RIPOR2: variants seen among roughly 807,000 people sequenced by gnomAD.
The protein encoded by RIPOR2 is rho family-interacting cell polarization regulator 2.
In RIPOR2, 39 loss-of-function variants were observed where a neutral mutation model predicts 114.5. The observed-to-expected ratio is 0.34, with a 90% confidence interval of 0.26 to 0.44. The LOEUF is 0.44. RIPOR2 is among the 20% of genes least tolerant of loss of function. RIPOR2 has a pLI of 1.00. For synonymous variants in RIPOR2, 445 were observed against 484.4 expected (o/e 0.92, Z 1.07); for missense variants, 1,007 against 1,255.1 (o/e 0.80, Z 2.99).
intron 1 of RIPOR2, among the ~76,000 whole-genome samples, chr6:24,914,107 G>A (rs982617882): frequency 6.6e-6 from 1 of 152,142 alleles, no homozygotes; most frequent in African/African-American, 2.4e-5. Context: ...GGCCGAGGTG[G>A]GTGGATCACT....
intron 1 of RIPOR2, among the ~76,000 whole-genome samples, chr6:24,891,677 G>GTAT (rs1355706382): frequency 6.6e-6 from 1 of 152,254 alleles, no homozygotes; most frequent in Admixed American, 6.5e-5. Context: ...GTGAAATGCT[G>GTAT]TATTACTTGT....
intron 19 of RIPOR2, among the ~76,000 whole-genome samples, chr6:24,820,535 C>G (rs9467324): frequency 0.025 from 3,871 of 152,246 alleles, 157 homozygotes; most frequent in African/African-American, 0.086. Context: ...GACCCTTTCT[C>G]TCCAGTCGCT....
intron 1 of RIPOR2, among the ~76,000 whole-genome samples, chr6:24,892,993 C>T (rs1421226360): frequency 6.6e-6 from 1 of 152,162 alleles, no homozygotes; most frequent in Non-Finnish European, 1.5e-5. Flanking sequence ...GATCTTGCCA[C>T]TGACTCCAGC....
At position 25,023,951 on chromosome 6, in the gene RIPOR2, T is replaced by C. The variant is rs115285934; in HGVS notation, c.76+17900A>G. The C allele has an allele frequency of 4.1e-6, 3 of 729,444 alleles. No individual in the cohort carries two copies. The African/African-American group carries it at 5.2e-5, about 13-fold the overall frequency. 45.2% of individuals were successfully genotyped at this position (729,444 alleles called of 1,614,324 possible). On this transcript the variant is annotated intron_variant, in intron 1 of 13. Transcript: ENST00000510784. Reference sequence around the variant, plus strand: ...CTGATGTGCATGAGGTTCTCGTCCATGTTCCACGGGTTCTTGGGAGTGACC... The same window carrying C: ...CTGATGTGCATGAGGTTCTCGTCCACGTTCCACGGGTTCTTGGGAGTGACC...
intron 8 of RIPOR2, among the ~76,000 whole-genome samples, chr6:24,857,668 C>T (rs1763613133): frequency 6.6e-6 from 1 of 152,160 alleles, no homozygotes; most frequent in South Asian, 2.1e-4. Context: ...ATTGACCAGG[C>T]ATAAATAATG....
intron 1 of RIPOR2, among the ~76,000 whole-genome samples, chr6:24,885,625 T>C (rs952415568): frequency 3.9e-5 from 6 of 152,240 alleles, no homozygotes; most frequent in Non-Finnish European, 8.8e-5. Flanking sequence ...GTTTGGGTTC[T>C]ACAGCTACAG....
intron 20 of RIPOR2, among the ~76,000 whole-genome samples, chr6:24,810,082 TTG>T (rs1001827286): frequency 6.6e-6 from 1 of 152,198 alleles, no homozygotes; most frequent in African/African-American, 2.4e-5. Flanking sequence ...TTCTTCTGCC[TTG>T]GCCTCCTAAT....
At chr6:25,018,192 G>C (rs752804376) in intron 1 of RIPOR2, among the ~76,000 whole-genome samples, 51 of 152,304 alleles carry the variant, frequency 3.3e-4, no homozygotes, top group Non-Finnish European at 7.2e-4. Context: ...TACCCAGAGT[G>C]CCTGAACTGA....
At chr6:24,953,436 C>A (rs192312368) in intron 1 of RIPOR2, among the ~76,000 whole-genome samples, 61 of 152,260 alleles carry the variant, frequency 4.0e-4, no homozygotes, top group African/African-American at 1.3e-3. Context: ...CTCTCTCTCT[C>A]CAGGTGTGTG....
chr6:25,028,405 C>A (rs1017596449), intron 1 of RIPOR2, among the ~76,000 whole-genome samples: 2 of 152,144 alleles, frequency 1.3e-5, no homozygotes, highest in African/African-American at 4.8e-5. Flanking sequence ...CAGTGAAAAC[C>A]CGCTCTGGAC....
intron 1 of RIPOR2, among the ~76,000 whole-genome samples, chr6:24,989,890 C>T (rs773005485): frequency 3.3e-5 from 5 of 151,768 alleles, no homozygotes; most frequent in African/African-American, 4.8e-5. Context: ...ATTAGCCAGG[C>T]GTGGTGGTGG....
At chr6:24,916,591 C>T (rs555974256) in intron 1 of RIPOR2, among the ~76,000 whole-genome samples, 2 of 152,274 alleles carry the variant, frequency 1.3e-5, no homozygotes, top group African/African-American at 4.8e-5. Context: ...TTATTGGTGT[C>T]TGAACTGTAC....
intron 1 of RIPOR2, among the ~76,000 whole-genome samples, chr6:24,914,282 G>T (rs1769903623): frequency 6.6e-6 from 1 of 152,128 alleles, no homozygotes; most frequent in Non-Finnish European, 1.5e-5. Context: ...GTTGCAGTGA[G>T]CCGAGATTAC....
At chr6:24,917,668 T>C (rs1354748760) in intron 1 of RIPOR2, among the ~76,000 whole-genome samples, 1 of 152,180 alleles carries the variant, frequency 6.6e-6, no homozygotes, top group Non-Finnish European at 1.5e-5. Flanking sequence ...TAGCTGGGAT[T>C]ACAGGCGCGT....
chr6:24,856,745 ACT>A (rs1276708134), intron 8 of RIPOR2, among the ~76,000 whole-genome samples: 2 of 152,088 alleles, frequency 1.3e-5, no homozygotes, highest in East Asian at 3.9e-4. Flanking sequence ...ACACAGCGAA[ACT>A]CTGTCTCAAA....
chr6:24,957,667 A>G (rs1426964634), intron 1 of RIPOR2, among the ~76,000 whole-genome samples: 1 of 152,106 alleles, frequency 6.6e-6, no homozygotes, highest in African/African-American at 2.4e-5. Flanking sequence ...AGGTCAGGAG[A>G]TCGAGACCAT....
chr6:24,998,254 G>A (rs1025181660), intron 1 of RIPOR2, among the ~76,000 whole-genome samples: 2 of 152,108 alleles, frequency 1.3e-5, no homozygotes, highest in African/African-American at 2.4e-5. Flanking sequence ...GCTTGCTCAA[G>A]TAATTCTTTG....
chr6:24,848,174 C>T lies in RIPOR2; in HGVS notation c.1035-20G>A. On this transcript the variant is annotated intron_variant, in intron 11 of 21. Coordinates refer to ENST00000643898, the MANE Select transcript of RIPOR2 (RefSeq NM_001286445.3). ...AATGGACTGCAAAACAACAGGTCCC[C>T]AGGTATGCACATTTGGCAAAATCAC... 6.2e-7 allele frequency: 1 copy of T among 1,611,426 alleles called. No individual in the cohort carries two copies. The highest frequency in any genetic ancestry group is 8.5e-7 in the Non-Finnish European group (1 of 1,178,802).
intron 1 of RIPOR2, among the ~76,000 whole-genome samples, chr6:24,988,669 T>TTGTGTG (rs10683468): frequency 2.1e-4 from 32 of 150,672 alleles, no homozygotes; most frequent in East Asian, 1.6e-3. Context: ...CAACATCTGG[T>TTGTGTG]TGTGTGTGTG....
Sources: gnomAD v4.1 joint callset for allele counts (sites outside exome capture counted in the v4.1 genomes callset) on GRCh38, gnomAD v4.1.1 for gene constraint, MANE v1.5 for transcripts, NCBI Gene and HGNC (gene_info 2026-07-23, HGNC 2026-07-21) for gene names.